Variants in DCLK1 observed in about 807,000 individuals in gnomAD.
The protein encoded by DCLK1 is doublecortin like kinase 1.
A neutral mutation model predicts 86.2 loss-of-function variants in DCLK1; 16 were observed. The ratio of observed to expected loss-of-function variants is 0.19; its 90% confidence interval spans 0.13 to 0.28. DCLK1 has a LOEUF of 0.28. Among genes scored for constraint, DCLK1 ranks in the 10% least tolerant of loss-of-function variants. The pLI is 1.00. For missense variants in DCLK1, 590 were observed against 940.2 expected (o/e 0.63, Z 4.87); for synonymous variants, 369 against 370.5 (o/e 1.00, Z 0.05).
At chr13:35,972,940 T>C (rs1879143477) in intron 3 of DCLK1, among the ~76,000 whole-genome samples, 1 of 152,114 alleles carries the variant, frequency 6.6e-6, no homozygotes, top group Admixed American at 6.6e-5. Flanking sequence ...AAATGCATTA[T>C]TATTATTCCC....
At chr13:36,082,314 T>C (rs1884447630) in intron 3 of DCLK1, among the ~76,000 whole-genome samples, 1 of 152,148 alleles carries the variant, frequency 6.6e-6, no homozygotes, top group Non-Finnish European at 1.5e-5. Context: ...ATCTTAATAA[T>C]ATTTTCTTTT....
At chr13:35,849,884 A>G (rs1203476477) in intron 6 of DCLK1, 4 of 964,344 alleles carry the variant, frequency 4.1e-6, no homozygotes, top group Non-Finnish European at 4.9e-6. Flanking sequence ...AAAAATTCCC[A>G]GCTTTAGTTT....
At chr13:35,833,586 C>G (rs1255281972) in intron 8 of DCLK1, among the ~76,000 whole-genome samples, 1 of 152,132 alleles carries the variant, frequency 6.6e-6, no homozygotes, top group Non-Finnish European at 1.5e-5. Flanking sequence ...CGGAACAGGA[C>G]CACAGAAAGA....
At chr13:35,896,895 G>A (rs779844388) in intron 4 of DCLK1, among the ~76,000 whole-genome samples, 4 of 152,184 alleles carry the variant, frequency 2.6e-5, no homozygotes, top group Non-Finnish European at 4.4e-5. Context: ...CTTGAGGGTT[G>A]TGAGTGTGGA....
intron 3 of DCLK1, among the ~76,000 whole-genome samples, chr13:36,043,164 T>A (rs1402248237): frequency 6.6e-6 from 1 of 152,120 alleles, no homozygotes; most frequent in Non-Finnish European, 1.5e-5. Flanking sequence ...ATTTACAGCA[T>A]TTAAAATGGG....
At chr13:36,055,949 T>C (rs1364426111) in intron 3 of DCLK1, among the ~76,000 whole-genome samples, 1 of 152,140 alleles carries the variant, frequency 6.6e-6, no homozygotes, top group Non-Finnish European at 1.5e-5. Context: ...TGGTTTTGAT[T>C]AAAAAGTCAG....
In DCLK1 at chr13:35,987,360, T is replaced by C. The variant is rs544260712; in HGVS notation, c.724-39903A>G. On this transcript the variant is annotated intron_variant, in intron 3 of 16. Transcript: ENST00000360631. ...GAAGGCTTGAACCCTGACCCCCTTT[T>C]TAGAGGCAAGGGGGAGACTTCTGTA... Among the ~76,000 whole-genome samples the C allele has an allele frequency of 5.9e-5, 9 of 152,252 alleles. No individual in the cohort carries two copies. In the South Asian group the frequency reaches 1.9e-3, roughly 32 times the overall value.
At chr13:35,929,822 T>C (rs893537128) in intron 4 of DCLK1, among the ~76,000 whole-genome samples, 2 of 151,878 alleles carry the variant, frequency 1.3e-5, no homozygotes, top group African/African-American at 4.8e-5. Context: ...TGATTCAGCC[T>C]ATTGAAAAAT....
chr13:36,038,194 A>G (rs1277900382), intron 3 of DCLK1, among the ~76,000 whole-genome samples: 1 of 152,208 alleles, frequency 6.6e-6, no homozygotes, highest in Non-Finnish European at 1.5e-5. Flanking sequence ...GTGACTTGTT[A>G]CCTTGCTTGC....
rs533392164 is a variant in DCLK1 at position 36,032,303 on chromosome 13, G to A, written c.723+79566C>T. 6.6e-5 allele frequency among the ~76,000 whole-genome samples: 10 copies of A among 151,878 alleles called. No homozygotes were observed. The East Asian group carries it at 9.8e-4, about 15-fold the overall frequency. On this transcript the variant is annotated intron_variant, in intron 3 of 16. Coordinates refer to ENST00000360631, the MANE Select transcript of DCLK1 (RefSeq NM_001330071.2). ...ACTACAGGCACCTGCCACCAGGCCC[G>A]GCTAATTTTTTGTATTTTTAGTAGA...
intron 4 of DCLK1, among the ~76,000 whole-genome samples, chr13:35,911,491 C>T (rs1875031469): frequency 6.6e-6 from 1 of 152,042 alleles, no homozygotes; most frequent in Non-Finnish European, 1.5e-5. Context: ...GTGAGGTTTC[C>T]TTTAGTGCTG....
chr13:36,112,281 C>A, intron 2 of DCLK1, 66 bp from the exon 3 acceptor site: 1 of 1,289,176 alleles, frequency 7.8e-7, no homozygotes, highest in South Asian at 1.6e-5. Context: ...TCCTACTTAT[C>A]CTCTCTTTTG....
At chr13:35,956,320 T>A (rs1877972291) in intron 3 of DCLK1, among the ~76,000 whole-genome samples, 1 of 152,182 alleles carries the variant, frequency 6.6e-6, no homozygotes, top group Non-Finnish European at 1.5e-5. Context: ...AAGATCAAAC[T>A]TATATTCTAT....
chr13:35,923,668 T>C (rs1431855590), intron 4 of DCLK1, among the ~76,000 whole-genome samples: 1 of 152,050 alleles, frequency 6.6e-6, no homozygotes, highest in Non-Finnish European at 1.5e-5. Flanking sequence ...TATTTCAGAA[T>C]ACCACTCAGG....
chr13:35,906,783 G>C (rs1331780750), intron 4 of DCLK1, among the ~76,000 whole-genome samples: 1 of 152,174 alleles, frequency 6.6e-6, no homozygotes, highest in Non-Finnish European at 1.5e-5. Context: ...CCTTGGTTTG[G>C]CAGTGGCCTG....
At chr13:35,984,897 G>GCACA (rs10598942) in intron 3 of DCLK1, among the ~76,000 whole-genome samples, 52 of 148,348 alleles carry the variant, frequency 3.5e-4, no homozygotes, top group Middle Eastern at 3.4e-3. Context: ...GCGTGCGCAT[G>GCACA]CACACACACA....
rs1870973690 is a variant in DCLK1 at position 35,855,392 on chromosome 13, A to G, written c.941-799T>C. 11 of 958,414 alleles carry G rather than the reference A, an allele frequency of 1.1e-5. No individual in the cohort carries two copies. The East Asian group carries it at 2.9e-4, about 25-fold the overall frequency. The allele number at this position is 958,414 out of a possible 1,614,324, so 59.4% of individuals were successfully genotyped here. ...ATCAGGTCACCTCTATTTTACCTGT[A>G]AAAATGGCATTACAGCCCCACAGTC... On this transcript the variant is annotated intron_variant, in intron 5 of 16. Transcript: ENST00000360631.
intron 3 of DCLK1, among the ~76,000 whole-genome samples, chr13:35,997,867 C>A (rs1393948722): frequency 6.6e-6 from 1 of 152,144 alleles, no homozygotes; most frequent in Non-Finnish European, 1.5e-5. Context: ...CTTGGTGTAG[C>A]AATCTGAAGT....
At chr13:36,080,568 G>C (rs954044445) in intron 3 of DCLK1, among the ~76,000 whole-genome samples, 1 of 152,126 alleles carries the variant, frequency 6.6e-6, no homozygotes, top group African/African-American at 2.4e-5. Context: ...GCTCCATATT[G>C]TACTTCAGTC....
Sources: gnomAD v4.1 joint callset for allele counts (sites outside exome capture counted in the v4.1 genomes callset) on GRCh38, gnomAD v4.1.1 for gene constraint, MANE v1.5 for transcripts, NCBI Gene and HGNC (gene_info 2026-07-23, HGNC 2026-07-21) for gene names.